PICALM: variants seen among roughly 807,000 people sequenced by gnomAD.
PICALM encodes the protein phosphatidylinositol binding clathrin assembly protein, also known as phosphatidylinositol-binding clathrin assembly protein.
Under a neutral mutation model 80.5 loss-of-function variants are expected in PICALM, and 40 were observed. The observed-to-expected ratio is 0.50, with a 90% CI of 0.39 to 0.65. The LOEUF (loss-of-function observed/expected upper bound fraction) is 0.65. Among genes scored for constraint, PICALM ranks in the 30% least tolerant of loss-of-function variants. PICALM has a pLI of 0.00. For missense variants in PICALM, 676 were observed against 778.9 expected, an observed-to-expected ratio of 0.87 and a Z score of 1.57; for synonymous variants, 288 against 260.3, an observed-to-expected ratio of 1.11 and a Z score of -1.02.
intron 11 of PICALM, among the ~76,000 whole-genome samples, chr11:85,997,858 A>G (rs918750058): frequency 6.7e-6 from 1 of 148,652 alleles, no homozygotes; most frequent in African/African-American, 2.5e-5. Flanking sequence ...TCTTGGCTCA[A>G]TGCAACCTCC....
chr11:85,975,542 T>C (rs1161885762), intron 18 of PICALM, among the ~76,000 whole-genome samples: 1 of 152,052 alleles, frequency 6.6e-6, no homozygotes, highest in Non-Finnish European at 1.5e-5. Flanking sequence ...CAGACTACTA[T>C]TTGCATTTAG....
intron 9 of PICALM, among the ~76,000 whole-genome samples, chr11:86,001,396 T>C (rs1216625580): frequency 6.6e-6 from 1 of 152,202 alleles, no homozygotes; most frequent in East Asian, 1.9e-4. Context: ...TGTTTGACTT[T>C]GGAAAGGGTT....
chr11:86,024,556 T>C, intron 3 of PICALM, among the ~76,000 whole-genome samples: 1 of 151,862 alleles, frequency 6.6e-6, no homozygotes, highest in East Asian at 1.9e-4. Flanking sequence ...TGGTTTACTC[T>C]GATCTAACTT....
chr11:85,982,733 T>C, intron 14 of PICALM, among the ~76,000 whole-genome samples: 1 of 151,794 alleles, frequency 6.6e-6, no homozygotes. Flanking sequence ...GGCCGAGACC[T>C]TTTTTTTAAA....
At chr11:85,991,857 T>G (rs1295868921) in intron 12 of PICALM, among the ~76,000 whole-genome samples, 2 of 152,080 alleles carry the variant, frequency 1.3e-5, no homozygotes, top group African/African-American at 4.8e-5. Context: ...CGGTGGGTTT[T>G]TTTGTTTTCT....
intron 19 of PICALM, among the ~76,000 whole-genome samples, chr11:85,961,625 C>G (rs550138898): frequency 1.3e-5 from 2 of 152,288 alleles, no homozygotes; most frequent in Admixed American, 6.5e-5. Context: ...GCGTTTCAAA[C>G]CCGACATGAA....
chr11:86,023,382 GA>G (rs201006463), intron 3 of PICALM: 154 of 877,412 alleles, frequency 1.8e-4, no homozygotes, highest in Middle Eastern at 5.8e-4. Flanking sequence ...GAACAAAATA[GA>G]AAAAAAAATA....
At chr11:85,995,992 A>C (rs925091490) in intron 12 of PICALM, among the ~76,000 whole-genome samples, 1 of 152,184 alleles carries the variant, frequency 6.6e-6, no homozygotes, top group African/African-American at 2.4e-5. Flanking sequence ...CTAGTGTTTT[A>C]GGGTTTTACT....
chr11:85,977,945 A>AT, intron 17 of PICALM: 1 of 766,878 alleles, frequency 1.3e-6, no homozygotes, highest in Non-Finnish European at 2.3e-6. Context: ...GCTAGGAAGA[A>AT]TTTCTGGCAC....
intron 1 of PICALM, among the ~76,000 whole-genome samples, chr11:86,057,149 G>C (rs114858761): frequency 1.6e-3 from 243 of 151,842 alleles, no homozygotes; most frequent in African/African-American, 5.5e-3. Context: ...CTTTAAAACT[G>C]AATTTTATGT....
At chr11:85,966,748 T>C (rs939959192) in intron 19 of PICALM, among the ~76,000 whole-genome samples, 6 of 152,202 alleles carry the variant, frequency 3.9e-5, no homozygotes, top group African/African-American at 1.4e-4. Context: ...TGATGACCAG[T>C]GTCCTTATAA....
At chr11:85,961,206 AC>A (rs1271747415) in intron 19 of PICALM, among the ~76,000 whole-genome samples, 1 of 152,138 alleles carries the variant, frequency 6.6e-6, no homozygotes, top group Non-Finnish European at 1.5e-5. Context: ...CTCAGTCCGG[AC>A]CCAACACATC....
At position 85,986,365 on chromosome 11, in the gene PICALM, A is replaced by ATTTTTTTTT. The variant is rs775072780; in HGVS notation, c.1409-2401_1409-2393dup. On this transcript the variant is annotated intron_variant, in intron 13 of 19. Coordinates refer to ENST00000393346, the MANE Select transcript of PICALM (RefSeq NM_007166.4). The stretch of plus-strand genomic sequence containing the variant: ...AAACTATCAGGACTGCCAACTTTTA[A>ATTTTTTTTT]TTTTTTTTTTTTTTTTTTTTTTTTT... Among the ~76,000 whole-genome samples, 296 of 73,744 alleles carry ATTTTTTTTT rather than the reference A, an allele frequency of 4.0e-3. 43 individuals are homozygous for ATTTTTTTTT. Among genetic ancestry groups the ATTTTTTTTT allele is most frequent in the East Asian group, 8.3e-3 (15 of 1,798 alleles). The allele number at this position is 73,744 out of a possible 152,430, so 48.4% of individuals were successfully genotyped here.
chr11:85,957,560 ATGTTAT>A lies in PICALM; in HGVS notation c.*1480_*1485del, dbSNP rs2093566929. 5.4e-6 allele frequency: 1 copy of A among 185,746 alleles called. No individual in the cohort carries two copies. The highest frequency in any genetic ancestry group is 6.2e-5 in the Admixed American group (1 of 16,076). The allele number at this position is 185,746 out of a possible 1,614,324, so 11.5% of individuals were successfully genotyped here. A position where few individuals can be genotyped will look rare whatever the true frequency, so the allele number is the denominator to read the frequency against. ...AAAATTCATATAAAACAAACCTTCC[ATGTTAT>A]TAGATCAACAAATATAATCACCTGG... On this transcript the variant is annotated 3_prime_UTR_variant, in exon 20 of 20. Coordinates refer to ENST00000393346, the MANE Select transcript of PICALM (RefSeq NM_007166.4).
chr11:86,039,824 A>AAATCCC (rs2095918831), intron 1 of PICALM, among the ~76,000 whole-genome samples: 2 of 152,132 alleles, frequency 1.3e-5, no homozygotes, highest in African/African-American at 4.8e-5. Flanking sequence ...TAACACGGTG[A>AAATCCC]AATCCCATCT....
chr11:86,031,250 T>C (rs2095746818), intron 2 of PICALM, among the ~76,000 whole-genome samples: 1 of 152,228 alleles, frequency 6.6e-6, no homozygotes, highest in South Asian at 2.1e-4. Flanking sequence ...CATTAATCTT[T>C]GCTTCTTGAT....
chr11:85,997,736 G>A (rs2095019283), intron 11 of PICALM, among the ~76,000 whole-genome samples: 1 of 152,188 alleles, frequency 6.6e-6, no homozygotes, highest in Non-Finnish European at 1.5e-5. Context: ...CTCCCAGAGT[G>A]CTGGGATTAC....
At chr11:85,962,748 C>A (rs138666509) in intron 19 of PICALM, among the ~76,000 whole-genome samples, 1 of 152,304 alleles carries the variant, frequency 6.6e-6, no homozygotes, top group South Asian at 2.1e-4. Flanking sequence ...GAAAACAAGA[C>A]AACATCCCTG....
chr11:85,966,052 T>A (rs995175197), intron 19 of PICALM, among the ~76,000 whole-genome samples: 2 of 151,900 alleles, frequency 1.3e-5, no homozygotes, highest in Admixed American at 1.3e-4. Context: ...CTTGACCTCG[T>A]GATCTGCACC....
Sources: gnomAD v4.1 joint callset for allele counts (sites outside exome capture counted in the v4.1 genomes callset) on GRCh38, gnomAD v4.1.1 for gene constraint, MANE v1.5 for transcripts, NCBI Gene and HGNC (gene_info 2026-07-23, HGNC 2026-07-21) for gene names.